The following PLCH2 variants were observed in gnomAD, a reference collection of about 807,000 sequenced individuals.
The protein encoded by PLCH2 is 1-phosphatidylinositol 4,5-bisphosphate phosphodiesterase eta-2.
A neutral mutation model predicts 134.7 loss-of-function variants in PLCH2; 98 were observed. The ratio of observed to expected loss-of-function variants is 0.73; its 90% CI spans 0.62 to 0.86. The LOEUF (loss-of-function observed/expected upper bound fraction) is 0.86. Among genes scored for constraint, PLCH2 ranks in the 40% least tolerant of loss-of-function variants. The pLI, the probability that PLCH2 is intolerant of heterozygous loss-of-function variation, is 0.00. For missense variants in PLCH2, 1,994 were observed against 1,986.6 expected (o/e 1.00, Z -0.07); for synonymous variants, 974 against 827.5 (o/e 1.18, Z -3.04).
At chr1:2,481,573 G>T (rs777686448) in intron 4 of PLCH2, among the ~76,000 whole-genome samples, 1 of 152,248 alleles carries the variant, frequency 6.6e-6, no homozygotes, top group Non-Finnish European at 1.5e-5. Context: ...AATCCAGCAC[G>T]AGTGTGCGTG....
At chr1:2,451,341 C>A (rs538609906) in intron 2 of PLCH2, among the ~76,000 whole-genome samples, 9 of 152,342 alleles carry the variant, frequency 5.9e-5, no homozygotes, top group African/African-American at 1.9e-4. Flanking sequence ...GTAGCGTCTC[C>A]GAGGGATGCC....
chr1:2,420,064 G>T, the PLCH2 span, among the ~76,000 whole-genome samples: 1 of 151,236 alleles, frequency 6.6e-6, no homozygotes, highest in Non-Finnish European at 1.5e-5. Context: ...GTGGGGGCAG[G>T]CACAGCAACA....
At chr1:2,450,186 G>C (rs1464922079) in intron 2 of PLCH2, among the ~76,000 whole-genome samples, 1 of 152,152 alleles carries the variant, frequency 6.6e-6, no homozygotes, top group Non-Finnish European at 1.5e-5. Flanking sequence ...GGCCTCGACG[G>C]GGGGGCAGAT....
At chr1:2,464,602 G>T (rs1034348022), upstream of PLCH2, among the ~76,000 whole-genome samples, 8 of 152,202 alleles carry the variant, frequency 5.3e-5, no homozygotes, top group Non-Finnish European at 1.2e-4. Context: ...GAGGAGGGGG[G>T]CCACCTCCTG....
Position 2,504,367 on chromosome 1 carries a change from G to A in PLCH2, c.3405G>A (p.Glu1135=), listed in dbSNP as rs892933118. The change falls in exon 22 of 22, where the codon GAG becomes GAA. Residue 1135 remains glutamate (E), a synonymous_variant. Transcript: ENST00000378486. ...TGSDPLWQRL[E]PCGHRDSVSS... ...GTGACCCGCTGTGGCAGCGGCTGGAGCCATGTGGCCACCGAGACAGCGTTT... is the reference window on the plus strand; with the variant it reads ...GTGACCCGCTGTGGCAGCGGCTGGAACCATGTGGCCACCGAGACAGCGTTT... The A allele has an allele frequency of 2.5e-6, 4 of 1,611,476 alleles. No individual in the cohort carries two copies. Among genetic ancestry groups the A allele is most frequent in the Admixed American group, 1.7e-5 (1 of 60,018 alleles).
At position 2,448,645 on chromosome 1, in the gene PLCH2, A is replaced by G. The variant is rs1222678946; in HGVS notation, c.115+18016A>G. Among the ~76,000 whole-genome samples, 1 of 151,510 alleles carries G rather than the reference A, an allele frequency of 6.6e-6. No homozygotes were observed. Among genetic ancestry groups the G allele is most frequent in the African/African-American group, 2.4e-5 (1 of 41,166 alleles). On this transcript the variant is annotated intron_variant, in intron 2 of 3. Transcript: ENST00000609981. This position sits in a 1 kb window ranked among gnomAD's most constrained non-coding sequence, Gnocchi z 4.0. ...CTACTGTGGCCGTGTGCTCCACCCC[A>G]GCACCCCCGCCCGAGGCAGGCCCTG...
chr1:2,477,443 G>A (rs1018995490), intron 1 of PLCH2, among the ~76,000 whole-genome samples: 7 of 152,204 alleles, frequency 4.6e-5, no homozygotes, highest in Non-Finnish European at 8.8e-5. Flanking sequence ...TACTGCCCTT[G>A]GTCCTCTACA....
intron 1 of PLCH2, among the ~76,000 whole-genome samples, chr1:2,468,971 C>T (rs979710126): frequency 2.6e-5 from 4 of 152,176 alleles, no homozygotes; most frequent in Non-Finnish European, 5.9e-5. Context: ...CTGTCCCACC[C>T]CCAGTGGAGG....
intron 13 of PLCH2, among the ~76,000 whole-genome samples, chr1:2,495,922 C>A (rs1642859458): frequency 1.3e-5 from 2 of 152,184 alleles, no homozygotes; most frequent in African/African-American, 4.8e-5. Flanking sequence ...GGCTCCCCCT[C>A]TTCCCGTCCA....
At chr1:2,471,284 GC>G (rs1641312604) in intron 1 of PLCH2, among the ~76,000 whole-genome samples, 2 of 152,310 alleles carry the variant, frequency 1.3e-5, no homozygotes, top group African/African-American at 4.8e-5. Context: ...AGATGTTGGG[GC>G]CCCCTTGGCC....
At chr1:2,423,446 C>T (rs79688543), upstream of PLCH2, among the ~76,000 whole-genome samples, 571 of 152,174 alleles carry the variant, frequency 3.8e-3, 4 homozygotes, top group African/African-American at 0.012. Flanking sequence ...AGTAACCAAC[C>T]GATACACGGA....
intron 2 of PLCH2, among the ~76,000 whole-genome samples, chr1:2,432,665 G>T (rs1369343676): frequency 6.6e-6 from 1 of 152,190 alleles, no homozygotes; most frequent in Non-Finnish European, 1.5e-5. Context: ...TGCCCAGACA[G>T]TGCACTCTCC....
intron 20 of PLCH2, chr1:2,500,099 A>C (rs1570489151): frequency 1.2e-4 from 29 of 239,216 alleles, no homozygotes; most frequent in South Asian, 2.6e-4. Context: ...CCCCTCTACT[A>C]CCCCCCACCC....
intron 5 of PLCH2, among the ~76,000 whole-genome samples, chr1:2,484,964 G>C (rs1374275806): frequency 1.3e-4 from 20 of 152,256 alleles, no homozygotes; most frequent in East Asian, 1.9e-4. Context: ...CCCACAGCTT[G>C]ACCATGCCTC....
chr1:2,432,822 G>A lies in PLCH2; in HGVS notation c.115+2193G>A, dbSNP rs775251827. Among the ~76,000 whole-genome samples the A allele has an allele frequency of 2.2e-4, 33 of 152,178 alleles. 1 individual carries two copies. Among genetic ancestry groups the A allele is most frequent in the Non-Finnish European group, 4.0e-4 (27 of 68,012 alleles). ...AGCAGGGAGGGTCCCCAACTCCCCC[G>A]TCCGGAGGGGCTGTCACAGGAGCTG... is the stretch of plus-strand genomic sequence containing the variant. On this transcript the variant is annotated intron_variant, in intron 2 of 3. Coordinates refer to the PLCH2 transcript ENST00000609981.
rs1270353520 is a variant in PLCH2, at chr1:2,431,430, C to T, written c.115+801C>T. On this transcript the variant is annotated intron_variant, in intron 2 of 3. Transcript: ENST00000609981. Reference sequence around the variant, plus strand: ...ATTCTCCAGATATGCCCAGACAGGTCTTCGCCATCTGAGGGTGGAGCTGCG... The same window carrying T: ...ATTCTCCAGATATGCCCAGACAGGTTTTCGCCATCTGAGGGTGGAGCTGCG... 3.9e-5 allele frequency among the ~76,000 whole-genome samples: 6 copies of T among 152,186 alleles called. No individual in the cohort carries two copies. In the East Asian group the frequency reaches 1.2e-3, roughly 29 times the overall value.
rs1638925029 is a variant in PLCH2, at chr1:2,428,760, T to C, written c.-177-1578T>C. ...GGATCAGCTCAAGCCTCCAGGGCCC[T>C]GAGGCTGAGGGGCTGAGTGCTCATT... On this transcript the variant is annotated intron_variant, in intron 1 of 3. Transcript: ENST00000609981. Among the ~76,000 whole-genome samples, 3 of 152,232 alleles carry C rather than the reference T, an allele frequency of 2.0e-5. No homozygotes were observed. In the South Asian group the frequency reaches 6.2e-4, roughly 31 times the overall value.
At chr1:2,421,804 T>G (rs796426223), upstream of PLCH2, among the ~76,000 whole-genome samples, 3 of 151,120 alleles carry the variant, frequency 2.0e-5, no homozygotes, top group African/African-American at 7.3e-5. Flanking sequence ...TGAAACCCCG[T>G]CTCTACTAAA....
intron 2 of PLCH2, 133 bp from the exon 3 acceptor site, chr1:2,479,601 C>G (rs926917646): frequency 5.7e-6 from 5 of 876,008 alleles, no homozygotes; most frequent in African/African-American, 3.4e-5. Flanking sequence ...ACTCTGGACC[C>G]TGAGCCCTGC....
Sources: allele counts gnomAD v4.1 joint callset (sites outside exome capture counted in the v4.1 genomes callset), GRCh38; gene constraint gnomAD v4.1.1; non-coding constraint Gnocchi (gnomAD v3.1); transcripts MANE v1.5; gene names NCBI Gene and HGNC (gene_info 2026-07-23, HGNC 2026-07-21).